DLG2: variants seen among roughly 807,000 people sequenced by gnomAD.
DLG2 encodes discs large MAGUK scaffold protein 2.
DLG2 carries 45 observed loss-of-function variants against 132.5 expected under a neutral mutation model. The ratio of observed to expected loss-of-function variants is 0.34; its 90% confidence interval spans 0.27 to 0.44. The LOEUF is 0.44. DLG2 is among the 20% of genes least tolerant of loss of function. The pLI is 1.00. For synonymous variants in DLG2, 424 were observed against 419.6 expected (o/e 1.01, Z -0.13); for missense variants, 1,045 against 1,196.9 (o/e 0.87, Z 1.87).
chr11:84,158,217 C>T (rs1024232116), intron 9 of DLG2, among the ~76,000 whole-genome samples: 8 of 151,980 alleles, frequency 5.3e-5, no homozygotes, highest in East Asian at 3.9e-4. Flanking sequence ...GTGCCTGCCA[C>T]GACGTCCAGC....
intron 6 of DLG2, among the ~76,000 whole-genome samples, chr11:85,066,166 A>G (rs1487817083): frequency 1.3e-5 from 2 of 151,732 alleles, no homozygotes; most frequent in East Asian, 3.9e-4. Flanking sequence ...GACTACTATG[A>G]GCATCTCTAT....
At chr11:84,983,732 A>G (rs1049459138) in intron 6 of DLG2, among the ~76,000 whole-genome samples, 11 of 152,226 alleles carry the variant, frequency 7.2e-5, no homozygotes, top group Admixed American at 2.6e-4. Flanking sequence ...TAATTTAAGG[A>G]AATTTTTTAA....
At chr11:84,543,609 G>A (rs2154522627) in intron 6 of DLG2, among the ~76,000 whole-genome samples, 1 of 152,220 alleles carries the variant, frequency 6.6e-6, no homozygotes, top group East Asian at 1.9e-4. Context: ...GGAGTTACTT[G>A]ATAAATGTTT....
intron 4 of DLG2, among the ~76,000 whole-genome samples, chr11:85,275,908 A>G (rs1297837254): frequency 1.3e-5 from 2 of 151,112 alleles, no homozygotes; most frequent in African/African-American, 2.4e-5. Flanking sequence ...AAGCTCCCCA[A>G]GGGAAAAAAA....
rs113106139 is a variant in DLG2, at chr11:84,125,992, A to G, written c.625-26945T>C. 1.5e-3 allele frequency among the ~76,000 whole-genome samples: 221 copies of G among 152,326 alleles called. 1 individual carries two copies. The highest frequency in any genetic ancestry group is 5.0e-3 in the African/African-American group (209 of 41,582). On this transcript the variant is annotated intron_variant, in intron 9 of 27. Coordinates refer to ENST00000376104, the MANE Select transcript of DLG2 (RefSeq NM_001142699.3). ...TTTCCTCCCTTTCTTTTTTTAATAAAGAGGATAAAATCAGCTATTGAAAGT... is the reference window on the plus strand; with the variant it reads ...TTTCCTCCCTTTCTTTTTTTAATAAGGAGGATAAAATCAGCTATTGAAAGT...
chr11:84,655,738 G>GTT lies in DLG2; in HGVS notation c.358-121009_358-121008dup, dbSNP rs5793131. ...AACTGTACTTTGTTTTTTTTTGTTT[G>GTT]TTTTTTTTTTTTTTCATGGAGTGGT... On this transcript the variant is annotated intron_variant, in intron 6 of 27. Transcript: ENST00000376104. Among the ~76,000 whole-genome samples the GTT allele has an allele frequency of 2.3e-3, 313 of 135,134 alleles. 1 individual carries two copies. The East Asian group carries it at 0.035, about 15-fold the overall frequency. The allele number at this position is 135,134 out of a possible 152,430, so 88.7% of individuals were successfully genotyped here. A position where few individuals can be genotyped will look rare whatever the true frequency, so the allele number is the denominator to read the frequency against.
chr11:85,147,045 C>G (rs987414043), intron 5 of DLG2, among the ~76,000 whole-genome samples: 11 of 152,224 alleles, frequency 7.2e-5, no homozygotes, highest in Admixed American at 5.9e-4. Flanking sequence ...ACTTCACTCT[C>G]TCTCCTGCGA....
At chr11:83,948,317 T>C (rs923255906) in intron 14 of DLG2, among the ~76,000 whole-genome samples, 3 of 152,150 alleles carry the variant, frequency 2.0e-5, no homozygotes, top group African/African-American at 7.2e-5. Flanking sequence ...GATATTTAAA[T>C]GTTTACATGC....
At chr11:84,405,366 A>T (rs775562676) in intron 7 of DLG2, among the ~76,000 whole-genome samples, 1 of 152,116 alleles carries the variant, frequency 6.6e-6, no homozygotes, top group African/African-American at 2.4e-5. Context: ...ACTTCCTATT[A>T]TCTCTGCCTG....
At chr11:84,161,138 G>A (rs1250748740) in intron 9 of DLG2, among the ~76,000 whole-genome samples, 2 of 152,170 alleles carry the variant, frequency 1.3e-5, no homozygotes, top group African/African-American at 4.8e-5. Flanking sequence ...GAGTGAAGAG[G>A]AAAGTGTTGG....
intron 6 of DLG2, among the ~76,000 whole-genome samples, chr11:84,985,557 C>T (rs1365120937): frequency 6.6e-6 from 1 of 151,902 alleles, no homozygotes; most frequent in Non-Finnish European, 1.5e-5. Flanking sequence ...TCTAAGGTCA[C>T]ACCTCAAGAA....
At chr11:84,073,908 C>T (rs369321158) in intron 10 of DLG2, among the ~76,000 whole-genome samples, 13 of 152,260 alleles carry the variant, frequency 8.5e-5, no homozygotes, top group East Asian at 5.8e-4. Context: ...CCAACATATA[C>T]GTACGCAGGG....
chr11:85,412,760 C>CACACATATATAT (rs756868795), intron 3 of DLG2, among the ~76,000 whole-genome samples: 17 of 113,274 alleles, frequency 1.5e-4, no homozygotes, highest in South Asian at 9.4e-4. Context: ...CACACACACA[C>CACACATATATAT]ATATATATAT....
intron 15 of DLG2, among the ~76,000 whole-genome samples, chr11:83,914,184 T>C (rs2076537263): frequency 6.6e-6 from 1 of 152,104 alleles, no homozygotes. Context: ...TCATGATGGC[T>C]TGGGGTCATT....
intron 8 of DLG2, among the ~76,000 whole-genome samples, chr11:84,197,821 C>T (rs972512776): frequency 1.3e-5 from 2 of 152,088 alleles, no homozygotes; most frequent in Non-Finnish European, 2.9e-5. Context: ...ATTCTGGTCA[C>T]GTTTTATAGG....
chr11:84,237,271 G>A (rs139787288), intron 8 of DLG2, among the ~76,000 whole-genome samples: 2 of 152,184 alleles, frequency 1.3e-5, no homozygotes, highest in East Asian at 3.9e-4. Flanking sequence ...CAATGTGGGG[G>A]CAAGGTTGAG....
intron 7 of DLG2, among the ~76,000 whole-genome samples, chr11:84,326,719 A>G (rs761290477): frequency 7.2e-5 from 11 of 152,144 alleles, no homozygotes; most frequent in Admixed American, 2.6e-4. Context: ...CATGTTCTGT[A>G]TATGTTAGGT....
chr11:83,653,057 C>T (rs995598804), intron 18 of DLG2, among the ~76,000 whole-genome samples: 1 of 152,154 alleles, frequency 6.6e-6, no homozygotes. Context: ...AGAAGTGGAA[C>T]CCCAATCTAA....
At chr11:84,502,368 T>C (rs560342549) in intron 7 of DLG2, among the ~76,000 whole-genome samples, 2 of 84,048 alleles carry the variant, frequency 2.4e-5, no homozygotes, top group Non-Finnish European at 4.3e-5. Context: ...CTTTCTTTCT[T>C]TCTTTCTTTC....
Sources: allele counts gnomAD v4.1 joint callset (sites outside exome capture counted in the v4.1 genomes callset), GRCh38; gene constraint gnomAD v4.1.1; transcripts MANE v1.5; gene names NCBI Gene and HGNC (gene_info 2026-07-23, HGNC 2026-07-21).